The following XKR4 variants were observed in gnomAD, a reference collection of about 807,000 sequenced individuals.
The protein encoded by XKR4 is XK-related protein 4.
XKR4 carries 12 observed loss-of-function variants against 53.9 expected under a neutral mutation model. That is an observed-to-expected ratio of 0.22 (90% CI 0.14 to 0.36). XKR4 has a LOEUF of 0.36. Ranked by LOEUF, XKR4 falls within the 10% of genes least tolerant of loss-of-function variation. The probability of loss-of-function intolerance (pLI) is 1.00; values close to 1 mark genes in which losing one functional copy is unlikely to be tolerated. For synonymous variants in XKR4, 354 were observed against 362.4 expected, an observed-to-expected ratio of 0.98 and a Z score of 0.26; for missense variants, 799 against 859.5, an observed-to-expected ratio of 0.93 and a Z score of 0.88.
intron 1 of XKR4, among the ~76,000 whole-genome samples, chr8:55,174,255 G>T (rs754752989): frequency 1.7e-4 from 26 of 151,774 alleles, no homozygotes; most frequent in Non-Finnish European, 3.2e-4. Flanking sequence ...TAAATTTCTC[G>T]CATAAATCCA....
chr8:55,462,080 T>C (rs1001831266), intron 2 of XKR4, among the ~76,000 whole-genome samples: 3 of 152,120 alleles, frequency 2.0e-5, no homozygotes, highest in Non-Finnish European at 4.4e-5. Context: ...ACTTCCCCAA[T>C]CTAGCAAGGC....
intron 1 of XKR4, chr8:55,272,981 A>G (rs919228145): frequency 3.2e-5 from 14 of 434,456 alleles, no homozygotes; most frequent in Non-Finnish European, 5.0e-5. Flanking sequence ...AATTTTCAAC[A>G]AAAGTGTCTA....
At chr8:55,267,829 G>T (rs562798462) in intron 1 of XKR4, among the ~76,000 whole-genome samples, 1 of 152,070 alleles carries the variant, frequency 6.6e-6, no homozygotes, top group Non-Finnish European at 1.5e-5. Flanking sequence ...TGCACCTCAC[G>T]TCCAATTATT....
rs371310690 is a variant in XKR4, at chr8:55,524,039, C to T, written c.1765C>T (p.Arg589Trp). The part of the protein sequence containing the change: ...APSTPSSRPP[R>W]IEESVIKIDL... ...ATCCACCCCATCATCTCGCCCACCA[C>T]GGATTGAAGAATCAGTCATTAAAAT... is the stretch of plus-strand genomic sequence containing the variant. Residue 589 changes from arginine (R) to tryptophan (W), a missense_variant, in exon 3 of 3, where the codon CGG becomes TGG. Coordinates refer to ENST00000327381, the MANE Select transcript of XKR4 (RefSeq NM_052898.2). 3 of 1,614,030 alleles carry T rather than the reference C, an allele frequency of 1.9e-6. No individual in the cohort carries two copies. The highest frequency in any genetic ancestry group is 2.5e-6 in the Non-Finnish European group (3 of 1,180,046).
intron 1 of XKR4, among the ~76,000 whole-genome samples, chr8:55,159,749 T>C (rs894344665): frequency 6.6e-6 from 1 of 152,184 alleles, no homozygotes; most frequent in African/African-American, 2.4e-5. Flanking sequence ...AAAATAATAG[T>C]TGGTAGAAGT....
intron 2 of XKR4, among the ~76,000 whole-genome samples, chr8:55,464,279 T>C (rs889085618): frequency 3.3e-5 from 5 of 152,250 alleles, no homozygotes; most frequent in South Asian, 2.1e-4. Context: ...TTATCCACCA[T>C]GATCAAGTGG....
In XKR4 at chr8:55,531,539, G is replaced by A. The variant is rs1311869819; in HGVS notation, c.*7312G>A. On this transcript the variant is annotated 3_prime_UTR_variant, in exon 3 of 3. Transcript: ENST00000327381. ...AAAACTAGATGACTGCTTATAAAGA[G>A]AAAAGTAATTTTATAATTTGTTTAT... The A allele has an allele frequency of 6.6e-6, 1 of 151,554 alleles. No individual in the cohort carries two copies. The highest frequency in any genetic ancestry group is 1.5e-5 in the Non-Finnish European group (1 of 67,892). 9.4% of individuals were successfully genotyped at this position (151,554 alleles called of 1,614,324 possible). A position where few individuals can be genotyped will look rare whatever the true frequency, so the allele number is the denominator to read the frequency against.
At chr8:55,179,630 T>C (rs1817280746) in intron 1 of XKR4, among the ~76,000 whole-genome samples, 1 of 152,210 alleles carries the variant, frequency 6.6e-6, no homozygotes, top group South Asian at 2.1e-4. Context: ...ACAACTAGCT[T>C]GAGGTAGAGT....
At position 55,531,393 on chromosome 8, in the gene XKR4, TG is replaced by T. The variant is rs1474759287; in HGVS notation, c.*7167del. ...TAGTATTATTGTCTTATGGGATCGC[TG>T]TCATATGTGCAGTCTATTATTGACC... On this transcript the variant is annotated 3_prime_UTR_variant, in exon 3 of 3. Transcript: ENST00000327381. The T allele has an allele frequency of 6.6e-6, 1 of 152,164 alleles. No homozygotes were observed. The highest frequency in any genetic ancestry group is 1.5e-5 in the Non-Finnish European group (1 of 68,034). 9.4% of individuals were successfully genotyped at this position (152,164 alleles called of 1,614,324 possible). A position where few individuals can be genotyped will look rare whatever the true frequency, so the allele number is the denominator to read the frequency against.
At chr8:55,449,275 G>A (rs1455536213) in intron 2 of XKR4, among the ~76,000 whole-genome samples, 2 of 152,020 alleles carry the variant, frequency 1.3e-5, no homozygotes, top group African/African-American at 4.8e-5. Flanking sequence ...GGCCCATTGC[G>A]GGCTGTACTT....
chr8:55,155,722 C>A lies in XKR4; in HGVS notation c.806+52428C>A, dbSNP rs374281422. Among the ~76,000 whole-genome samples, 11 of 152,070 alleles carry A rather than the reference C, an allele frequency of 7.2e-5. No homozygotes were observed. In the East Asian group the frequency reaches 7.7e-4, roughly 11 times the overall value. ...TAATAAACAAGGAAGAATGCATATACCCACCCGAATCAAAAATATTAGAAT... is the reference window on the plus strand; with the variant it reads ...TAATAAACAAGGAAGAATGCATATAACCACCCGAATCAAAAATATTAGAAT... On this transcript the variant is annotated intron_variant, in intron 1 of 2. Coordinates refer to ENST00000327381, the MANE Select transcript of XKR4 (RefSeq NM_052898.2).
At chr8:55,205,325 T>G (rs1279157904) in intron 1 of XKR4, among the ~76,000 whole-genome samples, 2 of 152,242 alleles carry the variant, frequency 1.3e-5, no homozygotes, top group Non-Finnish European at 2.9e-5. Context: ...CTATTTGACA[T>G]GTATTTGTTG....
chr8:55,285,805 C>T (rs1818900380), intron 1 of XKR4, among the ~76,000 whole-genome samples: 1 of 152,180 alleles, frequency 6.6e-6, no homozygotes, highest in African/African-American at 2.4e-5. Flanking sequence ...CCCATAGGGG[C>T]AACTGTTTCT....
intron 2 of XKR4, among the ~76,000 whole-genome samples, chr8:55,493,978 G>T (rs973946636): frequency 1.3e-5 from 2 of 152,238 alleles, no homozygotes; most frequent in East Asian, 3.9e-4. Context: ...GTGGCTAGTG[G>T]TGCCTTTGCC....
chr8:55,104,529 G>C (rs146504615), intron 1 of XKR4, among the ~76,000 whole-genome samples: 132 of 152,274 alleles, frequency 8.7e-4, no homozygotes, highest in African/African-American at 3.0e-3. Context: ...TTGTGGACTA[G>C]AACCACAAAC....
intron 2 of XKR4, chr8:55,449,758 C>T (rs1316622120): frequency 1.9e-6 from 2 of 1,066,510 alleles, no homozygotes; most frequent in Admixed American, 1.7e-5. Context: ...GGTGCTTGGT[C>T]TTGTCTAACA....
rs147421130 is a variant in XKR4, at chr8:55,180,398, A to G, written c.806+77104A>G. ...ATGAATTTTATTTTAGAGAGGTAAA[A>G]CACCAACTTTATTTGAGAGATAACT... On this transcript the variant is annotated intron_variant, in intron 1 of 2. Coordinates refer to ENST00000327381, the MANE Select transcript of XKR4 (RefSeq NM_052898.2). Among the ~76,000 whole-genome samples, 364 of 152,328 alleles carry G rather than the reference A, an allele frequency of 2.4e-3. 1 individual carries two copies. Among genetic ancestry groups the G allele is most frequent in the African/African-American group, 8.2e-3 (342 of 41,570 alleles).
At chr8:55,174,271 C>T (rs34932408) in intron 1 of XKR4, among the ~76,000 whole-genome samples, 2 of 152,180 alleles carry the variant, frequency 1.3e-5, no homozygotes, top group South Asian at 4.2e-4. Flanking sequence ...ATCCATCATC[C>T]TAAGATGTCA....
At chr8:55,498,460 C>T (rs984784943) in intron 2 of XKR4, among the ~76,000 whole-genome samples, 1 of 152,162 alleles carries the variant, frequency 6.6e-6, no homozygotes, top group African/African-American at 2.4e-5. Context: ...TTACAGTCTC[C>T]AGGGGTCACC....
Sources: gnomAD v4.1 joint callset for allele counts (sites outside exome capture counted in the v4.1 genomes callset) on GRCh38, gnomAD v4.1.1 for gene constraint, MANE v1.5 for transcripts, NCBI Gene and HGNC (gene_info 2026-07-23, HGNC 2026-07-21) for gene names.